Variants in TMPRSS15 observed in about 807,000 individuals in gnomAD.
The protein encoded by TMPRSS15 is enteropeptidase.
A neutral mutation model predicts 125.3 loss-of-function variants in TMPRSS15; 128 were observed. That is an observed-to-expected ratio of 1.02 (90% CI 0.89 to 1.18). TMPRSS15 has a LOEUF of 1.18. TMPRSS15 is among the 50% of genes most tolerant of loss of function. TMPRSS15 has a pLI of 0.00. For missense variants in TMPRSS15, 1,283 were observed against 1,212.7 expected (o/e 1.06, Z -0.86); for synonymous variants, 446 against 423.2 (o/e 1.05, Z -0.66).
At chr21:18,287,508 A>G (rs1237243870) in intron 21 of TMPRSS15, among the ~76,000 whole-genome samples, 1 of 152,178 alleles carries the variant, frequency 6.6e-6, no homozygotes, top group Non-Finnish European at 1.5e-5. Context: ...TGGCTCAACA[A>G]TGTGATCCAA....
chr21:18,291,234 T>C lies in TMPRSS15; in HGVS notation c.2486+3036A>G, dbSNP rs138469689. On this transcript the variant is annotated intron_variant, in intron 21 of 24. Transcript: ENST00000284885. ...AGTTGCTTGTCCATAATCACACATGTGATTTGTTGGACATACAGGATTAAA... is the reference window on the plus strand; with the variant it reads ...AGTTGCTTGTCCATAATCACACATGCGATTTGTTGGACATACAGGATTAAA... Among the ~76,000 whole-genome samples, 5 of 152,356 alleles carry C rather than the reference T, an allele frequency of 3.3e-5. No individual in the cohort carries two copies. The East Asian group carries it at 5.8e-4, about 18-fold the overall frequency.
Position 18,285,295 on chromosome 21 carries a change from C to T in TMPRSS15, c.2487-4074G>A, listed in dbSNP as rs1264434920. 4.6e-5 allele frequency among the ~76,000 whole-genome samples: 7 copies of T among 152,156 alleles called. No individual in the cohort carries two copies. The East Asian group carries it at 1.3e-3, about 29-fold the overall frequency. On this transcript the variant is annotated intron_variant, in intron 21 of 24. Coordinates refer to ENST00000284885, the MANE Select transcript of TMPRSS15 (RefSeq NM_002772.3). ...GTGAAAATAACTTCACCACTCTAGG[C>T]ATCAGGATGTCCATTTGTAAGTGGG...
At chr21:18,422,531 A>G (rs1305391662) in intron 1 of TMPRSS15, among the ~76,000 whole-genome samples, 2 of 152,210 alleles carry the variant, frequency 1.3e-5, no homozygotes, top group Non-Finnish European at 2.9e-5. Flanking sequence ...TTGACTATGT[A>G]CTATGTGTAA....
intron 1 of TMPRSS15, among the ~76,000 whole-genome samples, chr21:18,436,099 T>C (rs1053824708): frequency 6.6e-6 from 1 of 151,492 alleles, no homozygotes; most frequent in African/African-American, 2.4e-5. Context: ...GATTCATTAA[T>C]TTTTTGAAGG....
chr21:18,302,142 T>C (rs1486623542), intron 18 of TMPRSS15, among the ~76,000 whole-genome samples: 1 of 152,202 alleles, frequency 6.6e-6, no homozygotes. Flanking sequence ...CTAAAAAGAA[T>C]AATAATGCAT....
Position 18,341,446 on chromosome 21 carries a change from T to G in TMPRSS15, c.1531A>C (p.Thr511Pro), listed in dbSNP as rs2075444667. 6.2e-7 allele frequency: 1 copy of G among 1,614,028 alleles called. No homozygotes were observed. The highest frequency in any genetic ancestry group is 1.7e-5 in the Admixed American group (1 of 59,992). ...TCTGGTGGAGGAGTTGGCACCAAAG[T>G]TGGTTCTGGATAAAGACTCCCATTG... ...ICNGSLYPEP[T>P]LVPTPPPELP... The change falls in exon 13 of 25, where the codon ACT becomes CCT. Residue 511 changes from threonine to proline, a missense_variant. Physicochemically the swap from Thr to Pro is conservative, Grantham distance 38. Coordinates refer to ENST00000284885, the MANE Select transcript of TMPRSS15 (RefSeq NM_002772.3).
intron 4 of TMPRSS15, among the ~76,000 whole-genome samples, chr21:18,381,877 G>A (rs1370994589): frequency 6.6e-6 from 1 of 152,014 alleles, no homozygotes; most frequent in African/African-American, 2.4e-5. Flanking sequence ...ACTAACAGGT[G>A]CTAGGCTTAA....
chr21:18,405,290 C>T (rs141131325), upstream of TMPRSS15, among the ~76,000 whole-genome samples: 411 of 152,184 alleles, frequency 2.7e-3, 1 homozygote, highest in African/African-American at 9.3e-3. Flanking sequence ...CTTTCACTTT[C>T]GATCACAAAT....
At chr21:18,301,122 A>G (rs991129322) in intron 18 of TMPRSS15, among the ~76,000 whole-genome samples, 3 of 152,218 alleles carry the variant, frequency 2.0e-5, no homozygotes, top group Non-Finnish European at 4.4e-5. Context: ...TTATCACATA[A>G]TTACATTTTT....
intron 21 of TMPRSS15, among the ~76,000 whole-genome samples, chr21:18,282,487 G>A (rs2146874954): frequency 6.6e-6 from 1 of 152,298 alleles, no homozygotes; most frequent in South Asian, 2.1e-4. Flanking sequence ...ACTTCCAGAT[G>A]TATAAAGGGC....
At chr21:18,277,854 G>A (rs1244775549) in intron 23 of TMPRSS15, among the ~76,000 whole-genome samples, 8 of 152,144 alleles carry the variant, frequency 5.3e-5, no homozygotes, top group Admixed American at 5.2e-4. Context: ...TTATTTATGA[G>A]TGGTTAAAAC....
rs144665519 is a variant in TMPRSS15 at position 18,452,032 on chromosome 21, C to T, written c.10+33767G>A. On this transcript the variant is annotated intron_variant, in intron 1 of 7. Transcript: ENST00000422787. ...CAAAAAAAGATTCATTATGATTTTA[C>T]TCGAGATCAATAGCTACATCCGAAT... 6.6e-5 allele frequency among the ~76,000 whole-genome samples: 10 copies of T among 152,180 alleles called. No homozygotes were observed. In the South Asian group the frequency reaches 1.7e-3, roughly 25 times the overall value.
intron 10 of TMPRSS15, among the ~76,000 whole-genome samples, chr21:18,347,155 C>T (rs1569023732): frequency 6.6e-6 from 1 of 151,732 alleles, no homozygotes; most frequent in South Asian, 2.1e-4. Context: ...AGAAAGCCTC[C>T]CAATTAAAAG....
At chr21:18,472,478 T>TAC (rs1412151604) in intron 1 of TMPRSS15, among the ~76,000 whole-genome samples, 19 of 131,174 alleles carry the variant, frequency 1.4e-4, no homozygotes, top group Middle Eastern at 4.1e-3. Flanking sequence ...TATATATATA[T>TAC]ATACACACAC....
Position 18,294,249 on chromosome 21 carries a change from GAC to G in TMPRSS15, c.2486+19_2486+20del. 6.2e-7 allele frequency: 1 copy of G among 1,613,762 alleles called. No individual in the cohort carries two copies. The highest frequency in any genetic ancestry group is 8.5e-7 in the Non-Finnish European group (1 of 1,180,022). ...GCTGTGGTGACCTAGTTTGGGAAGG[GAC>G]ACTTGACATCACACTCACCCATACA... On this transcript the variant is annotated intron_variant, in intron 21 of 24. Transcript: ENST00000284885.
At position 18,290,886 on chromosome 21, in the gene TMPRSS15, G is replaced by A. The variant is rs147077302; in HGVS notation, c.2486+3384C>T. The stretch of plus-strand genomic sequence containing the variant: ...AAGAGATGATAATAAAATATACAGA[G>A]GAAAATGTAAGCAATTGGTGAGTCT... On this transcript the variant is annotated intron_variant, in intron 21 of 24. Coordinates refer to ENST00000284885, the MANE Select transcript of TMPRSS15 (RefSeq NM_002772.3). Among the ~76,000 whole-genome samples, 17 of 152,204 alleles carry A rather than the reference G, an allele frequency of 1.1e-4. No individual in the cohort carries two copies. In the East Asian group the frequency reaches 1.3e-3, roughly 12 times the overall value.
At chr21:18,421,933 A>C (rs2076192832) in intron 1 of TMPRSS15, among the ~76,000 whole-genome samples, 1 of 152,098 alleles carries the variant, frequency 6.6e-6, no homozygotes, top group South Asian at 2.1e-4. Flanking sequence ...GGGACAGCTA[A>C]AACTACGAGA....
intron 1 of TMPRSS15, among the ~76,000 whole-genome samples, chr21:18,438,821 G>A (rs1356269060): frequency 6.6e-6 from 1 of 152,132 alleles, no homozygotes. Flanking sequence ...AAACTTTTCT[G>A]TTAGACATGA....
In TMPRSS15 at chr21:18,441,732, C is replaced by A. The variant is rs544445889; in HGVS notation, c.11-43403G>T. ...TTGAGTCAGAGTCTCACTCTGTTGC[C>A]CAGACTGGAGTGCAGTGGCAGGATC... On this transcript the variant is annotated intron_variant, in intron 1 of 7. Coordinates refer to the TMPRSS15 transcript ENST00000422787. Among the ~76,000 whole-genome samples the A allele has an allele frequency of 4.0e-5, 6 of 148,760 alleles. No individual in the cohort carries two copies. The East Asian group carries it at 7.9e-4, about 20-fold the overall frequency.
Sources: allele counts gnomAD v4.1 joint callset (sites outside exome capture counted in the v4.1 genomes callset), GRCh38; gene constraint gnomAD v4.1.1; transcripts MANE v1.5; gene names NCBI Gene and HGNC (gene_info 2026-07-23, HGNC 2026-07-21).